Variants in TTC29 observed in about 807,000 individuals in gnomAD.
TTC29 encodes tetratricopeptide repeat domain 29.
In TTC29, 49 loss-of-function variants were observed where a neutral mutation model predicts 58.1. The observed-to-expected ratio is 0.84, with a 90% CI of 0.67 to 1.07. TTC29 has a LOEUF of 1.07. TTC29 is among the 50% of genes least tolerant of loss of function. The pLI is 0.00. For synonymous variants in TTC29, 209 were observed against 196.8 expected, an observed-to-expected ratio of 1.06 and a Z score of -0.52; for missense variants, 582 against 555.6, an observed-to-expected ratio of 1.05 and a Z score of -0.48.
chr4:146,904,417 C>T (rs1485266892), intron 5 of TTC29, among the ~76,000 whole-genome samples: 1 of 150,132 alleles, frequency 6.7e-6, no homozygotes, highest in African/African-American at 2.4e-5. Flanking sequence ...CTTAATTAAA[C>T]TCTTGTAGGT....
At chr4:146,937,888 G>A (rs34970291) in intron 3 of TTC29, among the ~76,000 whole-genome samples, 42,444 of 151,894 alleles carry the variant, frequency 0.28, 6,440 homozygotes, top group South Asian at 0.41. Flanking sequence ...TAAACCCAGT[G>A]TGTAAACAAA....
intron 4 of TTC29, among the ~76,000 whole-genome samples, chr4:146,933,799 CT>C (rs578072676): frequency 9.9e-4 from 151 of 152,258 alleles, no homozygotes; most frequent in African/African-American, 3.5e-3. Flanking sequence ...ACCCAGAAGC[CT>C]TTTGCCTTTG....
intron 7 of TTC29, among the ~76,000 whole-genome samples, chr4:146,871,544 T>C (rs1408340343): frequency 6.6e-6 from 1 of 151,896 alleles, no homozygotes; most frequent in African/African-American, 2.4e-5. Context: ...TCAAAGCTAA[T>C]AAATGAGTTT....
chr4:146,756,953 T>C (rs1746496034), intron 11 of TTC29, among the ~76,000 whole-genome samples: 1 of 152,120 alleles, frequency 6.6e-6, no homozygotes, highest in Non-Finnish European at 1.5e-5. Flanking sequence ...ATTTTTTGGA[T>C]TTCCTTGCAT....
chr4:146,777,149 TC>T (rs1748166172), intron 11 of TTC29, among the ~76,000 whole-genome samples: 1 of 152,174 alleles, frequency 6.6e-6, no homozygotes, highest in Non-Finnish European at 1.5e-5. Context: ...CAGTCGGGTA[TC>T]CTATCTCCTG....
chr4:146,745,153 G>C (rs1368291607), intron 11 of TTC29, among the ~76,000 whole-genome samples: 1 of 152,214 alleles, frequency 6.6e-6, no homozygotes, highest in African/African-American at 2.4e-5. Context: ...AAAGACAGTG[G>C]CAGATTTGAG....
chr4:146,718,327 T>G lies in TTC29; in HGVS notation c.1331-10776A>C, dbSNP rs1743090547. The stretch of plus-strand genomic sequence containing the variant: ...CTGTAATGGTTGTACTAATTTATAG[T>G]CCCACCAATAGTGCACAAGGGTTCC... On this transcript the variant is annotated intron_variant, in intron 11 of 12. Transcript: ENST00000325106. 2.0e-5 allele frequency among the ~76,000 whole-genome samples: 3 copies of G among 152,314 alleles called. No individual in the cohort carries two copies. In the South Asian group the frequency reaches 6.2e-4, roughly 32 times the overall value.
At chr4:146,789,135 C>A (rs747658305) in intron 11 of TTC29, among the ~76,000 whole-genome samples, 1 of 151,906 alleles carries the variant, frequency 6.6e-6, no homozygotes, top group Admixed American at 6.6e-5. Context: ...ATGTAGTGAG[C>A]CGTACATATT....
chr4:146,942,537 T>C (rs1395750894), intron 2 of TTC29: 15 of 1,288,754 alleles, frequency 1.2e-5, no homozygotes, highest in Non-Finnish European at 1.5e-5. Context: ...TCATGTGAGG[T>C]TTGAAGGGAC....
chr4:146,881,989 T>C (rs1157940776), intron 6 of TTC29, among the ~76,000 whole-genome samples: 8 of 152,110 alleles, frequency 5.3e-5, no homozygotes, highest in African/African-American at 1.9e-4. Context: ...CAAATGGACG[T>C]TATAGGAATG....
At chr4:146,923,078 T>C (rs1321117502) in intron 4 of TTC29, among the ~76,000 whole-genome samples, 2 of 151,752 alleles carry the variant, frequency 1.3e-5, no homozygotes, top group Non-Finnish European at 3.0e-5. Context: ...GGATAAAAAA[T>C]TATTTAGTCA....
chr4:146,844,040 T>C (rs1729013109), intron 8 of TTC29, among the ~76,000 whole-genome samples: 1 of 152,230 alleles, frequency 6.6e-6, no homozygotes, highest in South Asian at 2.1e-4. Context: ...ATTTTTGTTT[T>C]ACAGTCAGAA....
chr4:146,930,073 A>ATG (rs1265892752), intron 4 of TTC29, among the ~76,000 whole-genome samples: 2 of 107,574 alleles, frequency 1.9e-5, no homozygotes, highest in Non-Finnish European at 3.8e-5. Context: ...ATATATTTGT[A>ATG]TGTGTGTGTG....
rs138362673 is a variant in TTC29, at chr4:146,765,622, G to A, written c.1330+37835C>T. On this transcript the variant is annotated intron_variant, in intron 11 of 12. Coordinates refer to ENST00000325106, the MANE Select transcript of TTC29 (RefSeq NM_031956.4). ...AAGCATCTCTGCATACTAAGTACGT[G>A]ATCCTTCAGTGATAACAAGGTATTT... 6.4e-3 allele frequency among the ~76,000 whole-genome samples: 972 copies of A among 152,250 alleles called. 6 individuals carry two copies. The highest frequency in any genetic ancestry group is 0.024 in the Middle Eastern group (7 of 294).
At chr4:146,743,917 C>G (rs1168110689) in intron 11 of TTC29, among the ~76,000 whole-genome samples, 1 of 152,100 alleles carries the variant, frequency 6.6e-6, no homozygotes, top group African/African-American at 2.4e-5. Context: ...ATTAATAGAG[C>G]AATTGATCAA....
In TTC29 at chr4:146,706,913, G is replaced by GAAAT. The variant is rs1417273375; in HGVS notation, c.*241_*244dup. 6 of 334,508 alleles carry GAAAT rather than the reference G, an allele frequency of 1.8e-5. No homozygotes were observed. The highest frequency in any genetic ancestry group is 6.4e-5 in the African/African-American group (3 of 47,134). The allele number at this position is 334,508 out of a possible 1,614,324, so 20.7% of individuals were successfully genotyped here. Reference sequence around the variant, plus strand: ...TTTCTTGTGGAATAGTGGATAAGAGGAAATCATTTATTTCATGGATGATTG... The same window carrying GAAAT: ...TTTCTTGTGGAATAGTGGATAAGAGGAAATAAATCATTTATTTCATGGATGATTG... On this transcript the variant is annotated 3_prime_UTR_variant, in exon 13 of 13. Transcript: ENST00000325106.
chr4:146,762,105 A>G (rs1276026377), intron 11 of TTC29, among the ~76,000 whole-genome samples: 1 of 151,704 alleles, frequency 6.6e-6, no homozygotes, highest in African/African-American at 2.4e-5. Context: ...GTCTCTTATT[A>G]AGGTTTATTT....
chr4:146,886,343 C>T (rs534198887), intron 6 of TTC29, among the ~76,000 whole-genome samples: 25 of 152,256 alleles, frequency 1.6e-4, no homozygotes, highest in African/African-American at 5.1e-4. Flanking sequence ...TGTCTCTTCC[C>T]ACTGACTCAG....
intron 4 of TTC29, among the ~76,000 whole-genome samples, chr4:146,919,423 A>G (rs1162489259): frequency 6.6e-6 from 1 of 151,136 alleles, no homozygotes; most frequent in Non-Finnish European, 1.5e-5. Context: ...TCCTAATATA[A>G]CAAGAAGAAA....
Sources: allele counts gnomAD v4.1 joint callset (sites outside exome capture counted in the v4.1 genomes callset), GRCh38; gene constraint gnomAD v4.1.1; transcripts MANE v1.5; gene names NCBI Gene and HGNC (gene_info 2026-07-23, HGNC 2026-07-21).